HEPH: variants seen among roughly 807,000 people sequenced by gnomAD.
The protein encoded by HEPH is hephaestin.
Under a neutral mutation model 80.8 loss-of-function variants are expected in HEPH, and 69 were observed. The ratio of observed to expected loss-of-function variants is 0.85; its 90% CI spans 0.70 to 1.04. HEPH has a LOEUF of 1.04. Ranked by LOEUF, HEPH falls within the 50% of genes least tolerant of loss-of-function variation. HEPH has a pLI of 0.00. For missense variants in HEPH, 1,115 were observed against 891.3 expected, an observed-to-expected ratio of 1.25 and a Z score of -3.20; for synonymous variants, 431 against 322.8, an observed-to-expected ratio of 1.34 and a Z score of -3.60.
chrX:66,216,102 C>T (rs1272890263), intron 15 of HEPH, among the ~76,000 whole-genome samples: 2 of 111,460 alleles, frequency 1.8e-5, no homozygotes, highest in Non-Finnish European at 3.8e-5. Flanking sequence ...CCTAATTCTG[C>T]ACTCCTGGTA....
chrX:66,236,816 A>C (rs766196164), intron 15 of HEPH, among the ~76,000 whole-genome samples: 160 of 111,233 alleles, frequency 1.4e-3, no homozygotes, highest in Non-Finnish European at 2.5e-3. Flanking sequence ...TGGCCTGTTC[A>C]GAAATTTAAT....
intron 15 of HEPH, among the ~76,000 whole-genome samples, chrX:66,231,731 A>C (rs369100039): frequency 0.095 from 10,183 of 107,739 alleles, 504 homozygotes; most frequent in Middle Eastern, 0.17. Flanking sequence ...AAACAGGGAC[A>C]ATTTGACTTC....
intron 20 of HEPH, among the ~76,000 whole-genome samples, chrX:66,264,628 G>T (rs2091474472): frequency 9.2e-6 from 1 of 108,456 alleles, no homozygotes; most frequent in African/African-American, 3.3e-5. Context: ...AGTTTAGTCT[G>T]AGGTTTTACA....
At position 66,212,042 on chromosome X, in the gene HEPH, G is replaced by A. The variant is rs750220922; in HGVS notation, c.2563+3796G>A. 6.4e-5 allele frequency among the ~76,000 whole-genome samples: 7 copies of A among 110,167 alleles called. No homozygotes were observed. The East Asian group carries it at 1.4e-3, about 22-fold the overall frequency. On this transcript the variant is annotated intron_variant, in intron 15 of 20. Coordinates refer to ENST00000343002, the MANE Select transcript of HEPH (RefSeq NM_001367233.3). ...TTTTTAGTAATAGCCATTCTGACTA[G>A]GGTAATATGATCTGTCATTGTGGTT...
In HEPH at chrX:66,213,132, C is replaced by T. The variant is rs563061646; in HGVS notation, c.2563+4886C>T. Among the ~76,000 whole-genome samples the T allele has an allele frequency of 6.4e-5, 7 of 109,414 alleles. No homozygotes were observed. The South Asian group carries it at 2.8e-3, about 43-fold the overall frequency. On this transcript the variant is annotated intron_variant, in intron 15 of 20. Transcript: ENST00000343002. ...ATGTGACATGCTGGTGCGCTGTACC[C>T]ACTAACTCATCATCTAGCATTAGGT...
chrX:66,234,854 G>C (rs1033285613), intron 15 of HEPH, among the ~76,000 whole-genome samples: 1 of 109,916 alleles, frequency 9.1e-6, no homozygotes. Context: ...TCACCATGTT[G>C]GGCAGGTTGG....
At chrX:66,225,384 C>T (rs1000252660) in intron 15 of HEPH, among the ~76,000 whole-genome samples, 1 of 111,894 alleles carries the variant, frequency 8.9e-6, no homozygotes, top group Admixed American at 9.5e-5. Context: ...TTACAGTTTA[C>T]ACCAAAGCAG....
At position 66,197,778 on chromosome X, in the gene HEPH, G is replaced by T; in HGVS notation, c.1597G>T (p.Ala533Ser). The T allele has an allele frequency of 1.7e-6, 2 of 1,211,504 alleles. No individual in the cohort carries two copies. Among genetic ancestry groups the T allele is most frequent in the Non-Finnish European group, 1.1e-6 (1 of 895,241 alleles). ...TGCCGGTCCCACTGCTCAGGATCCT[G>T]CTTGTCTCACTTGGATGTACTTCTC... ...PHAGPTAQDPACLTWMYFSAA... is the reference protein window; with the variant it reads ...PHAGPTAQDPSCLTWMYFSAA... The change falls in exon 10 of 21, where the codon GCT (alanine) becomes TCT (serine). Residue 533 changes from alanine to serine, a missense_variant. Ala to Ser is a moderately conservative substitution (Grantham distance 99). This residue lies in a region of HEPH where 716 missense variants were observed against 523.5 expected (regional missense o/e 1.37). Coordinates refer to ENST00000343002, the MANE Select transcript of HEPH (RefSeq NM_001367233.3).
chrX:66,217,849 C>T lies in HEPH; in HGVS notation c.2563+9603C>T, dbSNP rs1188376325. On this transcript the variant is annotated intron_variant, in intron 15 of 20. Coordinates refer to ENST00000343002, the MANE Select transcript of HEPH (RefSeq NM_001367233.3). The stretch of plus-strand genomic sequence containing the variant: ...AGGTAAAAGGGGGGAAAAAGATATT[C>T]CATGCAAAGGGACACCAAAAGTGAG... Among the ~76,000 whole-genome samples, 4 of 111,635 alleles carry T rather than the reference C, an allele frequency of 3.6e-5. No homozygotes were observed. In the East Asian group the frequency reaches 8.4e-4, roughly 23 times the overall value.
At chrX:66,163,202 C>T (rs1393404730), upstream of HEPH, among the ~76,000 whole-genome samples, 1 of 110,819 alleles carries the variant, frequency 9.0e-6, no homozygotes, top group Non-Finnish European at 1.9e-5. Flanking sequence ...CCACAAAATC[C>T]ACATAGCTGA....
upstream of HEPH, chrX:66,163,024 TTG>T (rs2086241061): frequency 6.2e-6 from 3 of 486,157 alleles, no homozygotes; most frequent in Non-Finnish European, 1.0e-5. Context: ...TCCCTATACT[TTG>T]TGTCTTTGAA....
At chrX:66,179,888 T>C (rs2087011027) in intron 4 of HEPH, among the ~76,000 whole-genome samples, 1 of 111,862 alleles carries the variant, frequency 8.9e-6, no homozygotes, top group African/African-American at 3.2e-5. Context: ...TTGTCTGATA[T>C]AAGAATAGCT....
chrX:66,260,499 C>T lies in HEPH; in HGVS notation c.3199+237C>T, dbSNP rs1454766000. 3.6e-5 allele frequency among the ~76,000 whole-genome samples: 4 copies of T among 111,228 alleles called. No homozygotes were observed. The Admixed American group carries it at 3.8e-4, about 11-fold the overall frequency. ...TAATCCCCTGACACCTGTCCCTCTC[C>T]AAATTACTTCAAAACCTGTTGAGCT... On this transcript the variant is annotated intron_variant, in intron 19 of 20. Transcript: ENST00000343002.
Position 66,266,815 on chromosome X carries a change from T to G in HEPH, c.*143T>G. 1 of 438,979 alleles carries G rather than the reference T, an allele frequency of 2.3e-6. No homozygotes were observed. The highest frequency in any genetic ancestry group is 3.9e-5 in the South Asian group (1 of 25,786). The allele number at this position is 438,979 out of a possible 1,213,427, so 36.2% of individuals were successfully genotyped here. ...CAATCAAGCTTATCTGGATATTTCT[T>G]TCTTTATTTATTTTACATGGAAATA... On this transcript the variant is annotated 3_prime_UTR_variant, in exon 21 of 21. Transcript: ENST00000343002.
intron 15 of HEPH, among the ~76,000 whole-genome samples, chrX:66,211,570 A>C: frequency 9.0e-6 from 1 of 111,344 alleles, no homozygotes; most frequent in Non-Finnish European, 1.9e-5. Flanking sequence ...TAGCTCCTGC[A>C]TATAAGTGAG....
Position 66,199,369 on chromosome X carries a change from C to CT in HEPH, c.1864+341_1864+342insT, listed in dbSNP as rs112466933. On this transcript the variant is annotated intron_variant, in intron 11 of 20. Transcript: ENST00000343002. ...ATTTTAGTACCTTGGGTCCCCCCCCCCCATACTCCAGCCAACTGGGGCTAT... is the reference window on the plus strand; with the variant it reads ...ATTTTAGTACCTTGGGTCCCCCCCCCTCCATACTCCAGCCAACTGGGGCTAT... Among the ~76,000 whole-genome samples, 1,038 of 110,288 alleles carry CT rather than the reference C, an allele frequency of 9.4e-3. 24 individuals carry two copies. Among genetic ancestry groups the CT allele is most frequent in the African/African-American group, 0.033 (1,000 of 30,180 alleles).
chrX:66,225,247 C>G (rs1394647792), intron 15 of HEPH, among the ~76,000 whole-genome samples: 1 of 111,710 alleles, frequency 9.0e-6, no homozygotes, highest in Non-Finnish European at 1.9e-5. Flanking sequence ...TGAAATTTTT[C>G]AACATAGTTC....
At chrX:66,218,401 CCACT>C (rs953271566) in intron 15 of HEPH, among the ~76,000 whole-genome samples, 1 of 111,847 alleles carries the variant, frequency 8.9e-6, no homozygotes, top group African/African-American at 3.2e-5. Flanking sequence ...ACCCTCAGAA[CCACT>C]CAAATACCTA....
chrX:66,252,063 G>A (rs1602531838), intron 15 of HEPH, among the ~76,000 whole-genome samples: 1 of 111,727 alleles, frequency 9.0e-6, no homozygotes, highest in Non-Finnish European at 1.9e-5. Flanking sequence ...TATGGTGGTA[G>A]CAGTGGAGAT....
Sources: allele counts gnomAD v4.1 joint callset (sites outside exome capture counted in the v4.1 genomes callset), GRCh38; gene constraint gnomAD v4.1.1; regional missense constraint gnomAD v4.1.1; transcripts MANE v1.5; gene names NCBI Gene and HGNC (gene_info 2026-07-23, HGNC 2026-07-21).